The following CTNNA3 variants were observed in gnomAD, a reference collection of about 807,000 sequenced individuals.
CTNNA3 encodes catenin alpha 3.
CTNNA3 carries 76 observed loss-of-function variants against 95.7 expected under a neutral mutation model. That is an observed-to-expected ratio of 0.79 (90% CI 0.66 to 0.96). CTNNA3 has a LOEUF of 0.96. Ranked by LOEUF, CTNNA3 falls within the 40% of genes least tolerant of loss-of-function variation. The probability of loss-of-function intolerance (pLI) is 0.00; values close to 1 mark genes in which losing one functional copy is unlikely to be tolerated. For synonymous variants in CTNNA3, 431 were observed against 374.4 expected (o/e 1.15, Z -1.74); for missense variants, 1,191 against 1,089.8 (o/e 1.09, Z -1.31).
At chr10:66,253,928 A>G (rs1245542716) in intron 13 of CTNNA3, among the ~76,000 whole-genome samples, 3 of 152,228 alleles carry the variant, frequency 2.0e-5, no homozygotes, top group Non-Finnish European at 4.4e-5. Flanking sequence ...GGATTTCAGC[A>G]TAGATGACAA....
At chr10:66,721,265 T>G (rs1327203515) in intron 9 of CTNNA3, among the ~76,000 whole-genome samples, 4 of 152,104 alleles carry the variant, frequency 2.6e-5, no homozygotes, top group Non-Finnish European at 4.4e-5. Flanking sequence ...TACAAAAACA[T>G]GATAAACCTC....
rs766475235 is a variant in CTNNA3, at chr10:66,927,816, T to C, written c.1048-152292A>G. The C allele has an allele frequency of 1.9e-6, 3 of 1,614,232 alleles. No individual in the cohort carries two copies. Among genetic ancestry groups the C allele is most frequent in the South Asian group, 2.2e-5 (2 of 91,084 alleles). On this transcript the variant is annotated intron_variant, in intron 7 of 17. Coordinates refer to ENST00000433211, the MANE Select transcript of CTNNA3 (RefSeq NM_013266.4). The surrounding 1 kb of genome is among the most constrained non-coding windows in gnomAD (Gnocchi z 4.7). Reference sequence around the variant, plus strand: ...TTATTGGTCAAGAGATTTTGGATTCTTGGATATCCCTCAATGACATCAGTC... The same window carrying C: ...TTATTGGTCAAGAGATTTTGGATTCCTGGATATCCCTCAATGACATCAGTC...
intron 11 of CTNNA3, among the ~76,000 whole-genome samples, chr10:66,459,782 A>C (rs2093516580): frequency 6.6e-6 from 1 of 152,192 alleles, no homozygotes; most frequent in Non-Finnish European, 1.5e-5. Context: ...AAAACATAGA[A>C]AAGGTACAGT....
intron 7 of CTNNA3, among the ~76,000 whole-genome samples, chr10:66,809,655 A>C (rs1841796728): frequency 6.6e-6 from 1 of 152,200 alleles, no homozygotes; most frequent in Non-Finnish European, 1.5e-5. Context: ...GATAGAAAGC[A>C]TCCTTGATTT....
intron 11 of CTNNA3, among the ~76,000 whole-genome samples, chr10:66,420,814 TAAATAAATAAATAAATAAATAAATA>T (rs1192045899): frequency 9.4e-6 from 1 of 106,108 alleles, no homozygotes; most frequent in Non-Finnish European, 1.8e-5. Flanking sequence ...AATAAATAAA[TAAATAAATAAATAAATAAATAAATA>T]AAAAACAATA....
At chr10:66,777,787 A>G (rs1415121208) in intron 7 of CTNNA3, among the ~76,000 whole-genome samples, 1 of 125,074 alleles carries the variant, frequency 8.0e-6, no homozygotes, top group African/African-American at 2.8e-5. Flanking sequence ...ACACACACAC[A>G]CACACACACA....
intron 9 of CTNNA3, among the ~76,000 whole-genome samples, chr10:66,697,071 C>A (rs927337795): frequency 1.3e-5 from 2 of 152,072 alleles, no homozygotes; most frequent in Non-Finnish European, 2.9e-5. Context: ...TAGGAAGCAA[C>A]TGCCCATCCA....
intron 5 of CTNNA3, among the ~76,000 whole-genome samples, chr10:67,384,180 T>TA (rs944755651): frequency 4.6e-5 from 7 of 151,312 alleles, no homozygotes; most frequent in South Asian, 2.1e-4. Flanking sequence ...TAAAGTTGGT[T>TA]AAAAAAAAAT....
At chr10:67,503,294 G>T (rs980989443) in intron 5 of CTNNA3, among the ~76,000 whole-genome samples, 1 of 152,138 alleles carries the variant, frequency 6.6e-6, no homozygotes, top group African/African-American at 2.4e-5. Context: ...TCTGTGGGCT[G>T]CACTCACTGT....
chr10:67,520,720 T>C (rs1839958805), intron 5 of CTNNA3, among the ~76,000 whole-genome samples: 1 of 152,038 alleles, frequency 6.6e-6, no homozygotes, highest in South Asian at 2.1e-4. Flanking sequence ...CCTAGGAAAA[T>C]AAGGCCATAG....
chr10:66,519,429 G>A (rs1025589590), intron 11 of CTNNA3, among the ~76,000 whole-genome samples: 1 of 152,144 alleles, frequency 6.6e-6, no homozygotes, highest in African/African-American at 2.4e-5. Flanking sequence ...TTGCATCTGT[G>A]AAAGGAAAAT....
At chr10:67,039,484 A>C (rs527660904) in intron 7 of CTNNA3, among the ~76,000 whole-genome samples, 44 of 152,286 alleles carry the variant, frequency 2.9e-4, no homozygotes, top group African/African-American at 8.7e-4. Flanking sequence ...GTATATAATA[A>C]TTTTTAAATT....
At chr10:67,532,634 T>C (rs969367797) in intron 4 of CTNNA3, among the ~76,000 whole-genome samples, 1 of 152,130 alleles carries the variant, frequency 6.6e-6, no homozygotes, top group Non-Finnish European at 1.5e-5. Context: ...ATAGTCAAAT[T>C]TCCCTTCATT....
intron 9 of CTNNA3, among the ~76,000 whole-genome samples, chr10:66,700,140 T>C (rs1847897880): frequency 6.6e-6 from 1 of 152,200 alleles, no homozygotes; most frequent in South Asian, 2.1e-4. Flanking sequence ...AAAAGCTTTT[T>C]ATAGTCCCAC....
At chr10:66,091,354 T>C (rs184494616) in intron 14 of CTNNA3, among the ~76,000 whole-genome samples, 51 of 152,072 alleles carry the variant, frequency 3.4e-4, no homozygotes, top group Admixed American at 5.9e-4. Context: ...AGCTACATTA[T>C]AATTGGTTGG....
intron 7 of CTNNA3, among the ~76,000 whole-genome samples, chr10:66,843,415 G>C (rs1483073548): frequency 3.3e-5 from 5 of 152,186 alleles, no homozygotes; most frequent in African/African-American, 4.8e-5. Context: ...AGATGGGACA[G>C]AAAATGTGAG....
At chr10:67,712,466 G>C (rs1245686443) in intron 1 of CTNNA3, among the ~76,000 whole-genome samples, 2 of 152,230 alleles carry the variant, frequency 1.3e-5, no homozygotes, top group Non-Finnish European at 2.9e-5. Flanking sequence ...GGTTTCATGG[G>C]CTGGGCCCAG....
At chr10:66,635,663 CT>C (rs1325885761) in intron 9 of CTNNA3, among the ~76,000 whole-genome samples, 2 of 152,084 alleles carry the variant, frequency 1.3e-5, no homozygotes, top group Non-Finnish European at 2.9e-5. Flanking sequence ...ATTGTGTAAA[CT>C]TCCTGGATGT....
chr10:66,006,432 T>C (rs139673663), intron 15 of CTNNA3, among the ~76,000 whole-genome samples: 2,635 of 152,164 alleles, frequency 0.017, 70 homozygotes, highest in African/African-American at 0.06. Flanking sequence ...GTTGACACCC[T>C]CTCTGGACAC....
Sources: allele counts gnomAD v4.1 joint callset (sites outside exome capture counted in the v4.1 genomes callset), GRCh38; gene constraint gnomAD v4.1.1; non-coding constraint Gnocchi (gnomAD v3.1); transcripts MANE v1.5; gene names NCBI Gene and HGNC (gene_info 2026-07-23, HGNC 2026-07-21).